CHMP3: variants seen among roughly 807,000 people sequenced by gnomAD.
CHMP3 encodes 25.1 protein.
CHMP3 carries 8 observed loss-of-function variants against 27.4 expected under a neutral mutation model. The observed-to-expected ratio is 0.29, with a 90% confidence interval of 0.17 to 0.53. The LOEUF is 0.53. Ranked by LOEUF, CHMP3 falls within the 20% of genes least tolerant of loss-of-function variation. The pLI, the probability that CHMP3 is intolerant of heterozygous loss-of-function variation, is 0.96. For missense variants in CHMP3, 208 were observed against 271.5 expected (o/e 0.77, Z 1.64); for synonymous variants, 86 against 85.5 (o/e 1.01, Z -0.03).
At chr2:86,521,137 T>A (rs1189980737) in intron 3 of CHMP3, among the ~76,000 whole-genome samples, 2 of 152,170 alleles carry the variant, frequency 1.3e-5, no homozygotes, top group African/African-American at 2.4e-5. Context: ...GCTCTTAACT[T>A]CACCGCCTAT....
At chr2:86,523,106 TAAA>T (rs1049063641) in intron 3 of CHMP3, among the ~76,000 whole-genome samples, 2 of 152,204 alleles carry the variant, frequency 1.3e-5, no homozygotes, top group Admixed American at 6.5e-5. Context: ...CTAACAGCTG[TAAA>T]AATTGTCATC....
intron 3 of CHMP3, among the ~76,000 whole-genome samples, chr2:86,526,353 C>T (rs967075730): frequency 3.3e-5 from 5 of 151,680 alleles, no homozygotes; most frequent in Non-Finnish European, 7.4e-5. Flanking sequence ...TAACATTTCT[C>T]AAAAATAAAA....
intron 3 of CHMP3, among the ~76,000 whole-genome samples, chr2:86,516,373 C>T (rs1675306915): frequency 6.6e-6 from 1 of 152,228 alleles, no homozygotes; most frequent in Non-Finnish European, 1.5e-5. Flanking sequence ...AGAGAAGTAT[C>T]ATTTCACCAA....
intron 1 of CHMP3, among the ~76,000 whole-genome samples, chr2:86,543,765 A>G (rs1676452051): frequency 1.3e-5 from 2 of 152,234 alleles, no homozygotes. Context: ...TAGGTTGACC[A>G]ACTCCACTCA....
intron 1 of CHMP3, among the ~76,000 whole-genome samples, chr2:86,549,803 G>T (rs947991643): frequency 1.3e-5 from 2 of 149,596 alleles, no homozygotes; most frequent in African/African-American, 4.9e-5. Flanking sequence ...GGGCAGAGGT[G>T]CTCCTCGCCT....
rs371645454 is a variant in CHMP3 at position 86,520,376 on chromosome 2, C to CAG, written c.286+8840_286+8841dup. On this transcript the variant is annotated intron_variant, in intron 3 of 5. Coordinates refer to ENST00000263856, the MANE Select transcript of CHMP3 (RefSeq NM_016079.4). ...CACATCTCCACTGGCCGGCAGGAGA[C>CAG]AGAGAGAGAGAGAGAGATAGGGGAG... 3.9e-3 allele frequency among the ~76,000 whole-genome samples: 591 copies of CAG among 149,824 alleles called. 1 individual carries two copies. The highest frequency in any genetic ancestry group is 0.013 in the African/African-American group (529 of 41,082).
intron 1 of CHMP3, among the ~76,000 whole-genome samples, chr2:86,542,565 C>T (rs536741644): frequency 1.3e-5 from 2 of 152,150 alleles, no homozygotes; most frequent in South Asian, 4.2e-4. Flanking sequence ...TATATAAAAC[C>T]TCGGAAAGAG....
Position 86,549,158 on chromosome 2 carries a change from CGGGCAGAGGCGCCCACT to C in CHMP3, c.46-6863_46-6847del, listed in dbSNP as rs1558659922. ...CCCCTCACGTCCCAGACGGGGCGGC[CGGGCAGAGGCGCCCACT>C]TCCCAGACTGGGCAGCCGGGCAGAG... On this transcript the variant is annotated intron_variant, in intron 1 of 5. Transcript: ENST00000263856. 1.8e-4 allele frequency among the ~76,000 whole-genome samples: 24 copies of C among 133,310 alleles called. 1 individual carries two copies. In the East Asian group the frequency reaches 5.2e-3, roughly 29 times the overall value. 87.5% of individuals were successfully genotyped at this position (133,310 alleles called of 152,430 possible). A position where few individuals can be genotyped will look rare whatever the true frequency, so the allele number is the denominator to read the frequency against.
At chr2:86,507,390 G>T in intron 5 of CHMP3, 89 bp downstream of exon 5, 2 of 1,105,938 alleles carry the variant, frequency 1.8e-6, no homozygotes, top group Non-Finnish European at 2.7e-6. Flanking sequence ...GGGAGTTAAT[G>T]CCTAAAGAAA....
intron 3 of CHMP3, among the ~76,000 whole-genome samples, chr2:86,519,365 C>CA (rs35255775): frequency 0.46 from 50,540 of 110,800 alleles, 11,252 homozygotes; most frequent in East Asian, 0.76. Flanking sequence ...AACTTCATCT[C>CA]AAAAAAAAAA....
Position 86,510,374 on chromosome 2 carries a change from G to A in CHMP3, c.392C>T (p.Ser131Phe). 6.2e-7 allele frequency: 1 copy of A among 1,613,300 alleles called. No individual in the cohort carries two copies. Among genetic ancestry groups the A allele is most frequent in the Non-Finnish European group, 8.5e-7 (1 of 1,179,536 alleles). Reference sequence around the variant, plus strand: ...CCAAGTCACCTTCATCATTTCTTTGGACAACTCCCTCATGGTGGCCTGAAT... The same window carrying A: ...CCAAGTCACCTTCATCATTTCTTTGAACAACTCCCTCATGGTGGCCTGAAT... ...PEIQATMREL[S>F]KEMMKAGIIE... Residue 131 changes from serine to phenylalanine, a missense_variant, in exon 4 of 6, where the codon TCC (serine) becomes TTC (phenylalanine). Ser to Phe is a radical substitution (Grantham distance 155, BLOSUM62 -2). Around this residue, in one of 3 missense-constraint regions of CHMP3, gnomAD observed 94 missense variants for 159.6 expected, o/e 0.59. Transcript: ENST00000263856.
At chr2:86,551,126 T>G (rs778570307) in intron 1 of CHMP3, among the ~76,000 whole-genome samples, 1 of 152,206 alleles carries the variant, frequency 6.6e-6, no homozygotes, top group African/African-American at 2.4e-5. Context: ...GGTTCTTAAC[T>G]AATCTTAATT....
chr2:86,527,378 A>G (rs1054668197), intron 3 of CHMP3: 9 of 152,208 alleles, frequency 5.9e-5, no homozygotes, highest in South Asian at 2.1e-4. Flanking sequence ...TCATAGAGGG[A>G]AAAAGGCAAA....
At chr2:86,551,399 G>T (rs1018062149) in intron 1 of CHMP3, among the ~76,000 whole-genome samples, 2 of 151,784 alleles carry the variant, frequency 1.3e-5, no homozygotes, top group Admixed American at 1.3e-4. Flanking sequence ...TGGGACTATA[G>T]ATGCCTGCCA....
intron 4 of CHMP3, 61 bp downstream of exon 4, chr2:86,510,296 CT>C (rs1183945911): frequency 1.3e-6 from 2 of 1,550,118 alleles, no homozygotes; most frequent in East Asian, 2.5e-5. Context: ...CCCTAGCCCC[CT>C]GTTACTTGTT....
Position 86,505,748 on chromosome 2 carries a change from C to T in CHMP3, c.*56G>A. ...CAACAGAGGTGTAGTGCAAGAGACA[C>T]ATAAAATGGCAGCTCTTGAGAGGAG... On this transcript the variant is annotated 3_prime_UTR_variant, in exon 6 of 6. Coordinates refer to ENST00000263856, the MANE Select transcript of CHMP3 (RefSeq NM_016079.4). 1 of 1,445,042 alleles carries T rather than the reference C, an allele frequency of 6.9e-7. No individual in the cohort carries two copies. Among genetic ancestry groups the T allele is most frequent in the South Asian group, 1.5e-5 (1 of 67,716 alleles). 89.5% of individuals were successfully genotyped at this position (1,445,042 alleles called of 1,614,324 possible).
Position 86,504,741 on chromosome 2 carries a change from G to C in CHMP3, c.*1063C>G, listed in dbSNP as rs1674827076. 1 of 152,048 alleles carries C rather than the reference G, an allele frequency of 6.6e-6. No homozygotes were observed. The highest frequency in any genetic ancestry group is 2.4e-5 in the African/African-American group (1 of 41,388). 9.4% of individuals were successfully genotyped at this position (152,048 alleles called of 1,614,324 possible). On this transcript the variant is annotated 3_prime_UTR_variant, in exon 6 of 6. Coordinates refer to ENST00000263856, the MANE Select transcript of CHMP3 (RefSeq NM_016079.4). ...AAACAATCTGTGAGACAGTGGCTGG[G>C]CTTTTTTCCTGCCTGATTAGTTCAG... is the stretch of plus-strand genomic sequence containing the variant.
chr2:86,557,710 G>A (rs527521002), intron 1 of CHMP3, among the ~76,000 whole-genome samples: 3 of 151,818 alleles, frequency 2.0e-5, no homozygotes, highest in Admixed American at 6.6e-5. Flanking sequence ...TATATCTACC[G>A]TCCACCTGGT....
intron 2 of CHMP3, among the ~76,000 whole-genome samples, chr2:86,540,459 G>T (rs1165395870): frequency 1.3e-5 from 2 of 151,758 alleles, no homozygotes; most frequent in Non-Finnish European, 2.9e-5. Context: ...TTTAGATTTT[G>T]GAATGTTTGC....
Sources: gnomAD v4.1 joint callset for allele counts (sites outside exome capture counted in the v4.1 genomes callset) on GRCh38, gnomAD v4.1.1 for gene constraint, gnomAD v4.1.1 regional missense constraint, MANE v1.5 for transcripts, NCBI Gene and HGNC (gene_info 2026-07-23, HGNC 2026-07-21) for gene names.